TGM6: variants seen among roughly 807,000 people sequenced by gnomAD.
TGM6 encodes protein-glutamine gamma-glutamyltransferase 6.
Under a neutral mutation model 77.5 loss-of-function variants are expected in TGM6, and 74 were observed. The observed-to-expected ratio is 0.96, with a 90% CI of 0.79 to 1.16. The LOEUF is 1.16. Among genes scored for constraint, TGM6 ranks in the 50% most tolerant of loss-of-function variants. TGM6 has a pLI of 0.00. For missense variants in TGM6, 968 were observed against 940.2 expected, an observed-to-expected ratio of 1.03 and a Z score of -0.39; for synonymous variants, 383 against 378.9, an observed-to-expected ratio of 1.01 and a Z score of -0.12.
chr20:2,417,216 G>C lies in TGM6; in HGVS notation c.1337-16G>C. ...CAAGGGGGTGCCTGCCGCTGACGTTGTGTGATGCCCTGCAGGGTCCCGGAA... is the reference window on the plus strand; with the variant it reads ...CAAGGGGGTGCCTGCCGCTGACGTTCTGTGATGCCCTGCAGGGTCCCGGAA... On this transcript the variant is annotated splice_polypyrimidine_tract_variant and intron_variant, in intron 9 of 12. Transcript: ENST00000202625. 6.3e-7 allele frequency: 1 copy of C among 1,583,726 alleles called. No homozygotes were observed. The highest frequency in any genetic ancestry group is 1.1e-5 in the South Asian group (1 of 86,966).
At chr20:2,399,151 A>AG (rs1401989748) in intron 5 of TGM6, among the ~76,000 whole-genome samples, 1 of 119,246 alleles carries the variant, frequency 8.4e-6, no homozygotes, top group East Asian at 2.2e-4. Context: ...AAAAAAAAAA[A>AG]AAAAAAGAAT....
Position 2,403,839 on chromosome 20 carries a change from C to A in TGM6, c.1336+16C>A. The stretch of plus-strand genomic sequence containing the variant: ...TATCCGGAAGGTAAGGGCCACATGG[C>A]GGCCTTTATTACCTTCCCCCGGATG... On this transcript the variant is annotated intron_variant, in intron 9 of 12. Coordinates refer to ENST00000202625, the MANE Select transcript of TGM6 (RefSeq NM_198994.3). The A allele has an allele frequency of 6.2e-7, 1 of 1,613,972 alleles. No homozygotes were observed. The highest frequency in any genetic ancestry group is 8.5e-7 in the Non-Finnish European group (1 of 1,180,016).
chr20:2,396,693 C>T, intron 4 of TGM6, 69 bp downstream of exon 4: 1 of 1,403,834 alleles, frequency 7.1e-7, no homozygotes, highest in South Asian at 1.2e-5. Flanking sequence ...ACTGGAGTCC[C>T]TCTGTCTGCT....
At chr20:2,400,502 G>A in intron 7 of TGM6, 58 bp downstream of exon 7, 3 of 1,611,252 alleles carry the variant, frequency 1.9e-6, no homozygotes, top group South Asian at 1.1e-5. Flanking sequence ...GGTGGAGCAA[G>A]GCCTCATCTT....
chr20:2,421,821 C>A (rs1351862975), intron 10 of TGM6, among the ~76,000 whole-genome samples: 5 of 152,058 alleles, frequency 3.3e-5, no homozygotes, highest in Non-Finnish European at 7.4e-5. Flanking sequence ...ATGGATCATG[C>A]CTTTGGTATT....
chr20:2,410,185 G>A (rs2084776301), intron 9 of TGM6, among the ~76,000 whole-genome samples: 1 of 152,166 alleles, frequency 6.6e-6, no homozygotes, highest in Non-Finnish European at 1.5e-5. Context: ...CCCCATCTCT[G>A]ACCTCCAGGG....
intron 1 of TGM6, among the ~76,000 whole-genome samples, chr20:2,382,813 T>A (rs1486454693): frequency 1.3e-5 from 2 of 152,196 alleles, no homozygotes; most frequent in Non-Finnish European, 2.9e-5. Flanking sequence ...ACATCCCTAG[T>A]TGACCCCAGA....
chr20:2,382,458 C>T (rs77394612), intron 1 of TGM6, among the ~76,000 whole-genome samples: 3,646 of 152,252 alleles, frequency 0.024, 158 homozygotes, highest in African/African-American at 0.084. Context: ...CTTGACAGTG[C>T]GAAGGTTAGT....
At chr20:2,403,971 C>T (rs2084732987) in intron 9 of TGM6, 148 bp downstream of exon 9, 5 of 1,327,788 alleles carry the variant, frequency 3.8e-6, no homozygotes, top group African/African-American at 1.5e-5. Context: ...GTGCTCTGAG[C>T]CAAGTGCCTT....
intron 1 of TGM6, among the ~76,000 whole-genome samples, chr20:2,393,214 C>T (rs919166540): frequency 6.6e-6 from 1 of 152,258 alleles, no homozygotes; most frequent in African/African-American, 2.4e-5. Flanking sequence ...GTCACCTGAC[C>T]TGACATGCAT....
chr20:2,417,206 C>A (rs767040119), intron 9 of TGM6, 26 bp from the exon 10 acceptor site: 1 of 1,565,342 alleles, frequency 6.4e-7, no homozygotes, highest in South Asian at 1.2e-5. Context: ...GGGTGCCTGC[C>A]GCTGACGTTG....
intron 1 of TGM6, among the ~76,000 whole-genome samples, chr20:2,388,852 ACAGC>A (rs1420048615): frequency 1.3e-5 from 2 of 152,236 alleles, no homozygotes; most frequent in Non-Finnish European, 2.9e-5. Context: ...CAAATAAGAT[ACAGC>A]CAAGAGTTGC....
chr20:2,383,323 A>G (rs944437436), intron 1 of TGM6, among the ~76,000 whole-genome samples: 2 of 152,204 alleles, frequency 1.3e-5, no homozygotes, highest in African/African-American at 4.8e-5. Flanking sequence ...GCTCTCTGGT[A>G]TCACCCAAGG....
chr20:2,411,777 G>T (rs924454167), intron 9 of TGM6, among the ~76,000 whole-genome samples: 5 of 152,212 alleles, frequency 3.3e-5, no homozygotes, highest in South Asian at 2.1e-4. Flanking sequence ...ATGGATCAAG[G>T]GTCTAAATGT....
chr20:2,402,397 G>T (rs938015329), intron 7 of TGM6, among the ~76,000 whole-genome samples: 3 of 152,052 alleles, frequency 2.0e-5, no homozygotes, highest in African/African-American at 4.8e-5. Context: ...CCATCTCTTT[G>T]CTCCCCTTGG....
chr20:2,431,140 C>G, intron 12 of TGM6, 113 bp downstream of exon 12: 1 of 1,382,686 alleles, frequency 7.2e-7, no homozygotes, highest in Non-Finnish European at 9.9e-7. Context: ...ACCCCAGGAA[C>G]CAGCCCACAG....
intron 1 of TGM6, among the ~76,000 whole-genome samples, chr20:2,387,246 C>G (rs1032561756): frequency 1.3e-5 from 2 of 152,166 alleles, no homozygotes; most frequent in African/African-American, 2.4e-5. Context: ...CATCTGAGCT[C>G]AAAGTTTTGG....
rs925678543 is a variant in TGM6 at position 2,385,370 on chromosome 20, G to A, written c.7+4395G>A. ...ACTCTCTCGGCTGGGGAGGGGGGAG[G>A]TGTTGAGGTGGGGGTTGTCTTGTAG... On this transcript the variant is annotated intron_variant, in intron 1 of 12. Transcript: ENST00000202625. 5.9e-5 allele frequency among the ~76,000 whole-genome samples: 9 copies of A among 152,190 alleles called. No individual in the cohort carries two copies. The East Asian group carries it at 1.4e-3, about 23-fold the overall frequency.
At chr20:2,403,000 G>A (rs563683092) in intron 7 of TGM6, among the ~76,000 whole-genome samples, 1 of 152,242 alleles carries the variant, frequency 6.6e-6, no homozygotes, top group Admixed American at 6.5e-5. Context: ...TTTACCTAGA[G>A]TAGGTCTATA....
Sources: allele counts gnomAD v4.1 joint callset (sites outside exome capture counted in the v4.1 genomes callset), GRCh38; gene constraint gnomAD v4.1.1; transcripts MANE v1.5; gene names NCBI Gene and HGNC (gene_info 2026-07-23, HGNC 2026-07-21).